The following KLHDC4 variants were observed in gnomAD, a reference collection of about 807,000 sequenced individuals.
KLHDC4 encodes the protein kelch domain containing 4, also known as kelch domain-containing protein 4.
A neutral mutation model predicts 62.4 loss-of-function variants in KLHDC4; 90 were observed. The ratio of observed to expected loss-of-function variants is 1.44; its 90% CI spans 1.22 to 1.72. The LOEUF (loss-of-function observed/expected upper bound fraction) is 1.72. KLHDC4 is among the 40% of genes most tolerant of loss of function. KLHDC4 has a pLI of 0.00. For missense variants in KLHDC4, 1,025 were observed against 699.7 expected (o/e 1.47, Z -5.25); for synonymous variants, 386 against 284.4 (o/e 1.36, Z -3.59).
At chr16:87,763,033 C>T (rs1475944183) in intron 1 of KLHDC4, among the ~76,000 whole-genome samples, 1 of 152,178 alleles carries the variant, frequency 6.6e-6, no homozygotes, top group Non-Finnish European at 1.5e-5. Flanking sequence ...TTCAGTCTAC[C>T]TCTCATCTCA....
At chr16:87,725,503 G>A (rs144877545) in intron 7 of KLHDC4, among the ~76,000 whole-genome samples, 41 of 152,310 alleles carry the variant, frequency 2.7e-4, no homozygotes, top group African/African-American at 9.4e-4. Context: ...TCTAGGAGGA[G>A]TATACAGGTG....
chr16:87,730,623 A>T lies in KLHDC4; in HGVS notation c.528T>A (p.Gly176=). Residue 176 remains glycine (G), a synonymous_variant, in exon 6 of 12, where the codon GGT becomes GGA. Coordinates refer to ENST00000270583, the MANE Select transcript of KLHDC4 (RefSeq NM_017566.4). ...AGGCCACCATCCGATGTCCACTCCG[A>T]CCCGAAGGACCGCCTGTTGATCTAA... is the stretch of plus-strand genomic sequence containing the variant. ...EQVKSTGGPS[G]RSGHRMVAWK... 1 of 1,612,938 alleles carries T rather than the reference A, an allele frequency of 6.2e-7. No homozygotes were observed. Among genetic ancestry groups the T allele is most frequent in the Non-Finnish European group, 8.5e-7 (1 of 1,179,772 alleles).
intron 4 of KLHDC4, chr16:87,750,541 G>A (rs1234218027): frequency 2.0e-5 from 3 of 152,290 alleles, no homozygotes; most frequent in Non-Finnish European, 2.9e-5. Context: ...TCGTTTCAAG[G>A]TAAGAGTGAG....
intron 2 of KLHDC4, among the ~76,000 whole-genome samples, chr16:87,757,742 A>G (rs1213691477): frequency 6.6e-6 from 1 of 151,888 alleles, no homozygotes; most frequent in African/African-American, 2.4e-5. Context: ...AAATACAAAA[A>G]GTAGCCAGGC....
At chr16:87,719,905 C>A (rs530056393) in intron 7 of KLHDC4, among the ~76,000 whole-genome samples, 29 of 152,186 alleles carry the variant, frequency 1.9e-4, no homozygotes, top group African/African-American at 6.8e-4. Flanking sequence ...CGTTTGGAGG[C>A]GCATCGGCCG....
At chr16:87,758,986 G>C (rs918001966) in intron 2 of KLHDC4, among the ~76,000 whole-genome samples, 1 of 151,928 alleles carries the variant, frequency 6.6e-6, no homozygotes, top group African/African-American at 2.4e-5. Flanking sequence ...GACCAGTCTG[G>C]CCAGCATGAG....
At chr16:87,740,942 A>G (rs957126803) in intron 5 of KLHDC4, 11 of 152,172 alleles carry the variant, frequency 7.2e-5, no homozygotes, top group Non-Finnish European at 1.2e-4. Context: ...CAAGCAAGAG[A>G]CTGAAGAGAT....
At chr16:87,702,562 G>T in exon 1 of KLHDC4, 1 of 350,322 alleles carries the variant, frequency 2.9e-6, no homozygotes, top group South Asian at 2.2e-5. Flanking sequence ...ACGCTGAGCT[G>T]ACCTCTCTAG....
intron 2 of KLHDC4, among the ~76,000 whole-genome samples, chr16:87,759,785 A>T (rs903711645): frequency 6.6e-6 from 1 of 152,146 alleles, no homozygotes; most frequent in African/African-American, 2.4e-5. Context: ...CTGACCCTGA[A>T]TCTTTTCTCA....
intron 5 of KLHDC4, among the ~76,000 whole-genome samples, chr16:87,735,091 G>A (rs2041077083): frequency 6.8e-6 from 1 of 147,980 alleles, no homozygotes; most frequent in Non-Finnish European, 1.5e-5. Context: ...CTGAGGATCA[G>A]ACCTTCATTC....
At chr16:87,759,253 G>A (rs28895385) in intron 2 of KLHDC4, among the ~76,000 whole-genome samples, 1 of 151,758 alleles carries the variant, frequency 6.6e-6, no homozygotes, top group Non-Finnish European at 1.5e-5. Flanking sequence ...AAACTTTTTA[G>A]GTCGGGTGCA....
chr16:87,700,684 G>GCA lies in KLHDC4; in HGVS notation c.*954_*955insTG, dbSNP rs1441064234. On this transcript the variant is annotated 3_prime_UTR_variant, in exon 1 of 1. Coordinates refer to the KLHDC4 transcript ENST00000446344. ...GGGCAGAGGGCGGAGGGAGGAGGTT[G>GCA]GAGGGCGGAGGGAGGAGGTTGGAGG... The GCA allele has an allele frequency of 1.1e-3, 224 of 212,534 alleles. 1 individual carries two copies. Among genetic ancestry groups the GCA allele is most frequent in the African/African-American group, 8.2e-3 (204 of 24,988 alleles). 13.2% of individuals were successfully genotyped at this position (212,534 alleles called of 1,614,324 possible).
At chr16:87,712,955 C>T (rs540370454) in intron 8 of KLHDC4, among the ~76,000 whole-genome samples, 5 of 152,328 alleles carry the variant, frequency 3.3e-5, no homozygotes, top group African/African-American at 7.2e-5. Context: ...CTAAACTCCA[C>T]GGCAAACACC....
exon 1 of KLHDC4, chr16:87,701,725 CCTG>C: frequency 2.2e-6 from 1 of 456,788 alleles, no homozygotes; most frequent in Non-Finnish European, 4.4e-6. Flanking sequence ...GCCCATGCCA[CCTG>C]CTCAGGCCTA....
rs771158171 is a variant in KLHDC4 at position 87,748,809 on chromosome 16, C to T, written c.370G>A (p.Ala124Thr). 1 of 1,612,156 alleles carries T rather than the reference C, an allele frequency of 6.2e-7. No individual in the cohort carries two copies. The highest frequency in any genetic ancestry group is 8.5e-7 in the Non-Finnish European group (1 of 1,179,652). The change falls in exon 5 of 12, where the codon GCG (alanine) becomes ACG (threonine). Residue 124 changes from alanine (A) to threonine (T), a missense_variant and splice_region_variant. Transcript: ENST00000270583. ...SPPPRRCAHQ[A>T]VVVPQGGGQL... Reference sequence around the variant, plus strand: ...CCGCCACCTTGAGGCACTACCACCGCCTGTGAAAAGAAAGGTGACAGGTCA... The same window carrying T: ...CCGCCACCTTGAGGCACTACCACCGTCTGTGAAAAGAAAGGTGACAGGTCA...
intron 5 of KLHDC4, among the ~76,000 whole-genome samples, chr16:87,742,033 A>C (rs1241490938): frequency 1.3e-5 from 2 of 152,192 alleles, no homozygotes; most frequent in Non-Finnish European, 2.9e-5. Context: ...TCTTCCCCAG[A>C]AAGGGCAAAA....
chr16:87,707,866 A>C lies in KLHDC4; in HGVS notation c.*211T>G, dbSNP rs1041905211. ...AACACACAGGCTGCTGAGGGAATCC[A>C]CCTGCACTGCACTCAGTTGAACTTC... On this transcript the variant is annotated 3_prime_UTR_variant, in exon 12 of 12. Coordinates refer to ENST00000270583, the MANE Select transcript of KLHDC4 (RefSeq NM_017566.4). 2.3e-6 allele frequency: 1 copy of C among 440,416 alleles called. No individual in the cohort carries two copies. The highest frequency in any genetic ancestry group is 4.6e-6 in the Non-Finnish European group (1 of 217,072). The allele number at this position is 440,416 out of a possible 1,614,324, so 27.3% of individuals were successfully genotyped here.
intron 2 of KLHDC4, among the ~76,000 whole-genome samples, chr16:87,761,648 C>T (rs1406755110): frequency 6.6e-6 from 1 of 152,138 alleles, no homozygotes; most frequent in Non-Finnish European, 1.5e-5. Flanking sequence ...ACCTTAAGAA[C>T]CAAAGAAAAG....
intron 5 of KLHDC4, chr16:87,740,617 G>C (rs2042096249): frequency 6.6e-6 from 1 of 152,208 alleles, no homozygotes; most frequent in South Asian, 2.1e-4. Flanking sequence ...AACACCAGAT[G>C]CTGGTGTTTT....
Sources: gnomAD v4.1 joint callset for allele counts (sites outside exome capture counted in the v4.1 genomes callset) on GRCh38, gnomAD v4.1.1 for gene constraint, MANE v1.5 for transcripts, NCBI Gene and HGNC (gene_info 2026-07-23, HGNC 2026-07-21) for gene names.